The following ANKRD45 variants were observed in gnomAD, a reference collection of about 807,000 sequenced individuals.
The protein encoded by ANKRD45 is ankyrin repeat domain-containing protein 45.
In ANKRD45, 21 loss-of-function variants were observed where a neutral mutation model predicts 28.1. The ratio of observed to expected loss-of-function variants is 0.75; its 90% CI spans 0.53 to 1.08. The LOEUF (loss-of-function observed/expected upper bound fraction) is 1.08. Among genes scored for constraint, ANKRD45 ranks in the 50% least tolerant of loss-of-function variants. ANKRD45 has a pLI of 0.00. For synonymous variants in ANKRD45, 86 were observed against 103.9 expected, an observed-to-expected ratio of 0.83 and a Z score of 1.05; for missense variants, 261 against 308.7, an observed-to-expected ratio of 0.85 and a Z score of 1.16.
At chr1:173,659,500 T>G in intron 1 of ANKRD45, 67 bp from the exon 2 acceptor site, 1 of 1,368,924 alleles carries the variant, frequency 7.3e-7, no homozygotes, top group Non-Finnish European at 9.8e-7. Context: ...TTTATTTATT[T>G]GCTCAGTCAA....
chr1:173,701,874 T>C, the ANKRD45 span, among the ~76,000 whole-genome samples: 1 of 152,122 alleles, frequency 6.6e-6, no homozygotes, highest in African/African-American at 2.4e-5. Flanking sequence ...TTTTTGTTAG[T>C]GACTTAAAAA....
At chr1:173,712,309 A>C in the ANKRD45 span, among the ~76,000 whole-genome samples, 1 of 152,226 alleles carries the variant, frequency 6.6e-6, no homozygotes, top group East Asian at 1.9e-4. Context: ...ACAACACAGC[A>C]CTGTAGCTGA....
In ANKRD45 at chr1:173,635,858, T is replaced by C. The variant is rs1289359014; in HGVS notation, c.497-8699A>G. ...ACACCAAAAAAAGGTGAATTCGTGATACAAGTAGTAATAGTTACAAAATCT... is the reference window on the plus strand; with the variant it reads ...ACACCAAAAAAAGGTGAATTCGTGACACAAGTAGTAATAGTTACAAAATCT... On this transcript the variant is annotated intron_variant, in intron 3 of 5. Transcript: ENST00000333279. 5.3e-6 allele frequency: 8 copies of C among 1,497,326 alleles called. No individual in the cohort carries two copies. The African/African-American group carries it at 5.6e-5, about 10-fold the overall frequency. 92.8% of individuals were successfully genotyped at this position (1,497,326 alleles called of 1,614,324 possible).
chr1:173,641,263 C>G (rs147567277), intron 3 of ANKRD45, among the ~76,000 whole-genome samples: 1 of 152,196 alleles, frequency 6.6e-6, no homozygotes, highest in Admixed American at 6.5e-5. Flanking sequence ...CTTGTGCACA[C>G]GGTAGGCCAG....
the ANKRD45 span, among the ~76,000 whole-genome samples, chr1:173,688,607 T>C: frequency 6.9e-6 from 1 of 143,932 alleles, no homozygotes; most frequent in Non-Finnish European, 1.5e-5. Context: ...TGCCTCTTCC[T>C]CTCTCTCTCT....
chr1:173,683,695 A>G, the ANKRD45 span, among the ~76,000 whole-genome samples: 3 of 152,286 alleles, frequency 2.0e-5, no homozygotes, highest in African/African-American at 7.2e-5. Context: ...GTTAATTTAG[A>G]AAGTTTATTT....
At chr1:173,666,760 A>AT (rs1217429562) in intron 1 of ANKRD45, among the ~76,000 whole-genome samples, 13 of 151,752 alleles carry the variant, frequency 8.6e-5, no homozygotes, top group African/African-American at 3.2e-4. Flanking sequence ...ATTTAAAAAA[A>AT]ATTTTTTTTT....
Position 173,624,919 on chromosome 1 carries a change from T to C in ANKRD45, c.598A>G (p.Ile200Val). The change falls in exon 5 of 6, where the codon ATC becomes GTC. Residue 200 changes from isoleucine (I) to valine (V), a missense_variant. By Grantham distance (29) the Ile-to-Val change is conservative. Coordinates refer to ENST00000333279, the MANE Select transcript of ANKRD45 (RefSeq NM_198493.3). ...GKLLKEDKNT[I>V]LSACRAKNEW... ...TTTTTTGCACGGCATGCACTGAGGA[T>C]GGTATTCTAGGGACAGAAATACAGA... The C allele has an allele frequency of 1.4e-5, 22 of 1,613,014 alleles. No homozygotes were observed. Among genetic ancestry groups the C allele is most frequent in the African/African-American group, 2.7e-5 (2 of 74,992 alleles).
intron 5 of ANKRD45, 96 bp from the exon 6 acceptor site, chr1:173,610,311 G>T: frequency 1.7e-6 from 2 of 1,189,500 alleles, no homozygotes; most frequent in Non-Finnish European, 2.5e-6. Flanking sequence ...GAATAAATTA[G>T]ATTGTCCCAG....
chr1:173,706,194 C>T, the ANKRD45 span, among the ~76,000 whole-genome samples: 1 of 149,432 alleles, frequency 6.7e-6, no homozygotes, highest in South Asian at 2.1e-4. Flanking sequence ...CCCAGCTACT[C>T]AGGAGGCTGA....
intron 3 of ANKRD45, among the ~76,000 whole-genome samples, chr1:173,630,571 G>A (rs1668142191): frequency 6.6e-6 from 1 of 151,934 alleles, no homozygotes; most frequent in Non-Finnish European, 1.5e-5. Flanking sequence ...CAACAAAGCT[G>A]GGCTTGGTGG....
intron 5 of ANKRD45, among the ~76,000 whole-genome samples, chr1:173,622,452 A>G (rs1667745996): frequency 6.6e-6 from 1 of 152,210 alleles, no homozygotes; most frequent in South Asian, 2.1e-4. Context: ...TTGGTACAAA[A>G]ACAGACACAT....
chr1:173,635,946 A>C, intron 3 of ANKRD45: 1 of 876,832 alleles, frequency 1.1e-6, no homozygotes. Context: ...TTTATTCCTC[A>C]TTGTAACCTT....
chr1:173,660,566 A>G (rs1309260695), intron 1 of ANKRD45, among the ~76,000 whole-genome samples: 2 of 152,186 alleles, frequency 1.3e-5, no homozygotes, highest in Non-Finnish European at 2.9e-5. Context: ...TGAAGAGAGT[A>G]CAGCAATAAT....
the ANKRD45 span, among the ~76,000 whole-genome samples, chr1:173,685,926 A>G: frequency 2.6e-5 from 4 of 152,188 alleles, no homozygotes; most frequent in Non-Finnish European, 4.4e-5. Flanking sequence ...TTCCTTTAAT[A>G]AAATGAATGT....
At chr1:173,647,070 T>C (rs1668969295) in intron 2 of ANKRD45, 57 bp from the exon 3 acceptor site, 4 of 1,516,444 alleles carry the variant, frequency 2.6e-6, no homozygotes, top group Non-Finnish European at 3.6e-6. Flanking sequence ...TTAGGCTAAT[T>C]TATGTAGTGG....
At chr1:173,642,986 T>C (rs1668763511) in intron 3 of ANKRD45, among the ~76,000 whole-genome samples, 1 of 152,202 alleles carries the variant, frequency 6.6e-6, no homozygotes, top group South Asian at 2.1e-4. Context: ...TGCTGAGAGA[T>C]CCTTTGTCTC....
chr1:173,661,139 CAG>C (rs371659754), intron 1 of ANKRD45, among the ~76,000 whole-genome samples: 155 of 151,506 alleles, frequency 1.0e-3, no homozygotes, highest in African/African-American at 3.6e-3. Context: ...TAACACTACA[CAG>C]AAAAAAAAGA....
the ANKRD45 span, among the ~76,000 whole-genome samples, chr1:173,676,834 C>CAAAA: frequency 4.7e-4 from 46 of 98,766 alleles, 1 homozygote; most frequent in African/African-American, 1.4e-3. Flanking sequence ...GACTCCATCT[C>CAAAA]AAAAAAAAAA....
Sources: gnomAD v4.1 joint callset for allele counts (sites outside exome capture counted in the v4.1 genomes callset) on GRCh38, gnomAD v4.1.1 for gene constraint, MANE v1.5 for transcripts, NCBI Gene and HGNC (gene_info 2026-07-23, HGNC 2026-07-21) for gene names.